Variants in DYNLT2B observed in about 807,000 individuals in gnomAD.
DYNLT2B encodes dynein light chain Tctex-type 2B, also known as dynein light chain Tctex-type protein 2B.
Under a neutral mutation model 19.5 loss-of-function variants are expected in DYNLT2B, and 14 were observed. The observed-to-expected ratio is 0.72, with a 90% CI of 0.47 to 1.12. The LOEUF is 1.12. DYNLT2B is among the 50% of genes most tolerant of loss of function. The pLI is 0.00. For synonymous variants in DYNLT2B, 70 were observed against 59.7 expected (o/e 1.17, Z -0.79); for missense variants, 133 against 174.7 (o/e 0.76, Z 1.35).
intron 2 of DYNLT2B, among the ~76,000 whole-genome samples, chr3:196,308,592 A>T (rs2108795332): frequency 6.6e-6 from 1 of 152,350 alleles, no homozygotes; most frequent in Non-Finnish European, 1.5e-5. Context: ...AAAGAGTTTT[A>T]AAAAAACAAA....
At chr3:196,299,700 G>C (rs1726303894) in intron 3 of DYNLT2B, among the ~76,000 whole-genome samples, 1 of 152,022 alleles carries the variant, frequency 6.6e-6, no homozygotes, top group African/African-American at 2.4e-5. Context: ...GGGAGGCTGA[G>C]GCAGGCGGAT....
chr3:196,316,914 G>GTGTGTGT, intron 1 of DYNLT2B, among the ~76,000 whole-genome samples: 1 of 44,192 alleles, frequency 2.3e-5, no homozygotes, highest in Middle Eastern at 0.014. Context: ...TGTGTTGTGT[G>GTGTGTGT]GTGTGTGTGT....
At position 196,315,763 on chromosome 3, in the gene DYNLT2B, T is replaced by C. The variant is rs372563042; in HGVS notation, c.247+335A>G. Among the ~76,000 whole-genome samples the C allele has an allele frequency of 7.2e-5, 11 of 152,046 alleles. No individual in the cohort carries two copies. The East Asian group carries it at 1.6e-3, about 22-fold the overall frequency. On this transcript the variant is annotated intron_variant, in intron 2 of 4. Transcript: ENST00000325318. Reference sequence around the variant, plus strand: ...GGTGCATGCCTGTAATCCCAACTACTCAGGAGGCTGAGGCAGAAGAATCAC... The same window carrying C: ...GGTGCATGCCTGTAATCCCAACTACCCAGGAGGCTGAGGCAGAAGAATCAC...
At chr3:196,299,800 G>A (rs1485879207) in intron 3 of DYNLT2B, among the ~76,000 whole-genome samples, 7 of 151,758 alleles carry the variant, frequency 4.6e-5, no homozygotes, top group African/African-American at 1.5e-4. Flanking sequence ...GTGTGGTGGC[G>A]GGCGCCTGTA....
chr3:196,297,704 T>C (rs927625790), intron 3 of DYNLT2B, among the ~76,000 whole-genome samples: 4 of 152,146 alleles, frequency 2.6e-5, no homozygotes, highest in Non-Finnish European at 5.9e-5. Context: ...GTACTATAAT[T>C]TTACCCATTT....
At chr3:196,299,803 C>A (rs1206405780) in intron 3 of DYNLT2B, among the ~76,000 whole-genome samples, 3 of 151,888 alleles carry the variant, frequency 2.0e-5, no homozygotes, top group African/African-American at 7.3e-5. Context: ...TGGTGGCGGG[C>A]GCCTGTAGTC....
rs1553843323 is a variant in DYNLT2B, at chr3:196,318,105, A to AGGC, written c.45_47dup (p.Pro16dup). The AGGC allele has an allele frequency of 1.4e-6, 2 of 1,478,558 alleles. No homozygotes were observed. Among genetic ancestry groups the AGGC allele is most frequent in the Admixed American group, 4.4e-5 (2 of 45,482 alleles). 91.6% of individuals were successfully genotyped at this position (1,478,558 alleles called of 1,614,324 possible). A position where few individuals can be genotyped will look rare whatever the true frequency, so the allele number is the denominator to read the frequency against. On this transcript the variant is annotated inframe_insertion, in exon 1 of 5. Coordinates refer to ENST00000325318, the MANE Select transcript of DYNLT2B (RefSeq NM_152773.5). Reference sequence around the variant, plus strand: ...GCTCCCCTGCGTTCTTCTCAGCCTCAGGCACCCCGTCGCCCACCGAGAAGG... The same window carrying AGGC: ...GCTCCCCTGCGTTCTTCTCAGCCTCAGGCGGCACCCCGTCGCCCACCGAGAAGG...
At chr3:196,301,429 G>C (rs1726349838) in intron 3 of DYNLT2B, among the ~76,000 whole-genome samples, 1 of 152,028 alleles carries the variant, frequency 6.6e-6, no homozygotes, top group Non-Finnish European at 1.5e-5. Flanking sequence ...AATAACTACT[G>C]TGGCTGGGCG....
intron 2 of DYNLT2B, among the ~76,000 whole-genome samples, chr3:196,309,392 A>G (rs188932329): frequency 3.2e-3 from 481 of 152,146 alleles, no homozygotes; most frequent in African/African-American, 0.01. Context: ...CAGACTCCCG[A>G]GTAGCTGGGA....
intron 1 of DYNLT2B, among the ~76,000 whole-genome samples, chr3:196,317,020 C>T: frequency 2.4e-5 from 1 of 42,178 alleles, no homozygotes; most frequent in Non-Finnish European, 4.4e-5. Context: ...ACATTTTTTT[C>T]AGTGTGTGTG....
At chr3:196,315,941 G>T in intron 2 of DYNLT2B, 157 bp downstream of exon 2, 1 of 724,234 alleles carries the variant, frequency 1.4e-6, no homozygotes, top group Non-Finnish European at 2.2e-6. Context: ...CAGAGCTCAA[G>T]CAATCTTCCT....
At chr3:196,304,470 A>G (rs1339561898) in intron 3 of DYNLT2B, among the ~76,000 whole-genome samples, 1 of 151,702 alleles carries the variant, frequency 6.6e-6, no homozygotes, top group Non-Finnish European at 1.5e-5. Flanking sequence ...ATGGCTAAGA[A>G]TTTTCCCAAA....
chr3:196,305,942 C>T (rs1665183976), intron 3 of DYNLT2B, among the ~76,000 whole-genome samples: 1 of 152,092 alleles, frequency 6.6e-6, no homozygotes, highest in Admixed American at 6.6e-5. Context: ...GGGAGGATCA[C>T]TTGAGCCCAG....
At chr3:196,314,233 C>T (rs898546250) in intron 2 of DYNLT2B, among the ~76,000 whole-genome samples, 3 of 151,968 alleles carry the variant, frequency 2.0e-5, no homozygotes, top group African/African-American at 2.4e-5. Flanking sequence ...AGGCCGGGCA[C>T]GGTGGCTCAC....
chr3:196,303,263 G>A (rs190478292), intron 3 of DYNLT2B, among the ~76,000 whole-genome samples: 169 of 152,140 alleles, frequency 1.1e-3, no homozygotes, highest in African/African-American at 4.0e-3. Flanking sequence ...TCTGCTCCCC[G>A]AATGCTGGGA....
At chr3:196,297,322 C>T (rs1378514447) in intron 3 of DYNLT2B, among the ~76,000 whole-genome samples, 1 of 151,990 alleles carries the variant, frequency 6.6e-6, no homozygotes, top group Non-Finnish European at 1.5e-5. Flanking sequence ...GTCAGGAGTT[C>T]GAGACCAGCC....
At chr3:196,293,264 G>A (rs1321496400) in intron 4 of DYNLT2B, among the ~76,000 whole-genome samples, 1 of 152,196 alleles carries the variant, frequency 6.6e-6, no homozygotes, top group Non-Finnish European at 1.5e-5. Flanking sequence ...TAGCCCCTCA[G>A]GTGCAGAAGC....
intron 3 of DYNLT2B, among the ~76,000 whole-genome samples, chr3:196,304,522 C>T (rs1726438552): frequency 6.6e-6 from 1 of 152,050 alleles, no homozygotes; most frequent in Non-Finnish European, 1.5e-5. Flanking sequence ...GTGGCTCACA[C>T]TGGTAATCCC....
chr3:196,293,090 G>C (rs1166851501), intron 4 of DYNLT2B, among the ~76,000 whole-genome samples: 1 of 152,098 alleles, frequency 6.6e-6, no homozygotes, highest in Non-Finnish European at 1.5e-5. Flanking sequence ...CTGACCTCAG[G>C]TGATCCACCC....
Sources: allele counts gnomAD v4.1 joint callset (sites outside exome capture counted in the v4.1 genomes callset), GRCh38; gene constraint gnomAD v4.1.1; transcripts MANE v1.5; gene names NCBI Gene and HGNC (gene_info 2026-07-23, HGNC 2026-07-21).